FAM81A: variants seen among roughly 807,000 people sequenced by gnomAD.
FAM81A encodes protein FAM81A.
In FAM81A, 19 loss-of-function variants were observed where a neutral mutation model predicts 46.7. The ratio of observed to expected loss-of-function variants is 0.41; its 90% confidence interval spans 0.28 to 0.60. The LOEUF (loss-of-function observed/expected upper bound fraction) is 0.60. Among genes scored for constraint, FAM81A ranks in the 20% least tolerant of loss-of-function variants. FAM81A has a pLI of 0.34. For missense variants in FAM81A, 377 were observed against 453.5 expected (o/e 0.83, Z 1.53); for synonymous variants, 183 against 152.9 (o/e 1.20, Z -1.45).
At chr15:59,432,360 C>G (rs2081224180) in intron 2 of FAM81A, among the ~76,000 whole-genome samples, 1 of 152,230 alleles carries the variant, frequency 6.6e-6, no homozygotes, top group African/African-American at 2.4e-5. Context: ...AATTTGCTCC[C>G]TCAAAATAAA....
intron 2 of FAM81A, among the ~76,000 whole-genome samples, chr15:59,420,291 A>G (rs767536649): frequency 6.6e-6 from 1 of 152,218 alleles, no homozygotes; most frequent in Admixed American, 6.5e-5. Flanking sequence ...GACTTTAGTC[A>G]CTGTGTCCCC....
intron 2 of FAM81A, among the ~76,000 whole-genome samples, chr15:59,404,043 T>C (rs995216523): frequency 1.8e-4 from 28 of 151,944 alleles, no homozygotes; most frequent in Non-Finnish European, 4.4e-5. Context: ...CCACCATAGC[T>C]GGCTAGTTTT....
intron 1 of FAM81A, chr15:59,402,085 C>CCTG: frequency 2.1e-6 from 1 of 487,458 alleles, no homozygotes; most frequent in Non-Finnish European, 3.7e-6. Context: ...GACCCATGAG[C>CCTG]TGACGCCGTG....
intron 3 of FAM81A, among the ~76,000 whole-genome samples, chr15:59,480,218 A>G (rs1411344278): frequency 1.3e-5 from 2 of 152,212 alleles, no homozygotes; most frequent in African/African-American, 4.8e-5. Flanking sequence ...ATACTACCTT[A>G]TAATTCGCTG....
chr15:59,507,034 G>A (rs138693394), intron 4 of FAM81A, among the ~76,000 whole-genome samples, 179 bp from the exon 5 acceptor site: 18 of 152,214 alleles, frequency 1.2e-4, no homozygotes, highest in South Asian at 6.2e-4. Context: ...ACATCCCTGT[G>A]GTTTACCTTA....
At chr15:59,406,673 G>C (rs1439050245) in intron 2 of FAM81A, among the ~76,000 whole-genome samples, 2 of 152,100 alleles carry the variant, frequency 1.3e-5, no homozygotes, top group Non-Finnish European at 2.9e-5. Flanking sequence ...CCTACCCCCA[G>C]CTCTAGGCAA....
intron 1 of FAM81A, among the ~76,000 whole-genome samples, chr15:59,442,800 T>C (rs2141589963): frequency 6.6e-6 from 1 of 152,326 alleles, no homozygotes; most frequent in Admixed American, 6.5e-5. Context: ...TCTGTGTGTT[T>C]ATTCACACAC....
chr15:59,510,777 CAAAAAAAAAAAAAAAAAAA>C (rs71119479), intron 6 of FAM81A, among the ~76,000 whole-genome samples: 1 of 25,774 alleles, frequency 3.9e-5, no homozygotes, highest in Admixed American at 6.9e-4. Flanking sequence ...GACCCTGTCT[CAAAAAAAAAAAAAAAAAAA>C]AAAAAAAAAA....
intron 1 of FAM81A, among the ~76,000 whole-genome samples, chr15:59,448,734 G>C (rs1303606047): frequency 2.6e-5 from 4 of 152,158 alleles, no homozygotes; most frequent in Non-Finnish European, 4.4e-5. Flanking sequence ...GTGTCATGCA[G>C]TGTTGAACTC....
chr15:59,489,302 C>CATAT (rs1303406022), intron 3 of FAM81A, among the ~76,000 whole-genome samples: 103 of 150,386 alleles, frequency 6.8e-4, no homozygotes, highest in African/African-American at 2.5e-3. Context: ...TACATACATA[C>CATAT]ATACATACAT....
chr15:59,517,598 T>G (rs1472644485), intron 8 of FAM81A, among the ~76,000 whole-genome samples: 1 of 152,210 alleles, frequency 6.6e-6, no homozygotes, highest in East Asian at 1.9e-4. Context: ...AGTTGTATGA[T>G]TCCATGAATT....
At chr15:59,488,287 A>G (rs144829590) in intron 3 of FAM81A, among the ~76,000 whole-genome samples, 136 of 152,226 alleles carry the variant, frequency 8.9e-4, no homozygotes, top group Non-Finnish European at 1.7e-3. Context: ...AATAAAAGCC[A>G]TATATGACAG....
At chr15:59,428,490 G>T (rs983361649) in intron 2 of FAM81A, among the ~76,000 whole-genome samples, 10 of 149,990 alleles carry the variant, frequency 6.7e-5, no homozygotes, top group African/African-American at 2.4e-4. Context: ...GCCCAGGCTG[G>T]TCTCAAATTC....
chr15:59,473,425 G>A (rs1298602329), intron 3 of FAM81A, among the ~76,000 whole-genome samples: 1 of 152,166 alleles, frequency 6.6e-6, no homozygotes, highest in African/African-American at 2.4e-5. Flanking sequence ...CATAGTATAT[G>A]TAGGGTTTGG....
intron 3 of FAM81A, among the ~76,000 whole-genome samples, chr15:59,479,131 G>T (rs1391078279): frequency 2.0e-5 from 3 of 152,208 alleles, no homozygotes; most frequent in Non-Finnish European, 4.4e-5. Flanking sequence ...TGTACAGGCA[G>T]TCAATGCTAA....
chr15:59,516,933 C>G, intron 8 of FAM81A, 93 bp downstream of exon 8: 1 of 1,186,746 alleles, frequency 8.4e-7, no homozygotes, highest in Non-Finnish European at 1.1e-6. Context: ...ATGAACCTGG[C>G]TAATGGTAAT....
intron 3 of FAM81A, among the ~76,000 whole-genome samples, chr15:59,489,054 A>G (rs1001116572): frequency 6.6e-6 from 1 of 152,090 alleles, no homozygotes; most frequent in African/African-American, 2.4e-5. Flanking sequence ...TCACGAGGTC[A>G]GGAGATCGAG....
At chr15:59,520,298 C>A (rs542670063) in intron 8 of FAM81A, among the ~76,000 whole-genome samples, 29 of 152,236 alleles carry the variant, frequency 1.9e-4, no homozygotes, top group Admixed American at 1.8e-3. Context: ...CTCGCTAATG[C>A]TTGTACTCGT....
chr15:59,457,739 T>G (rs2081501921), intron 1 of FAM81A, among the ~76,000 whole-genome samples: 1 of 152,186 alleles, frequency 6.6e-6, no homozygotes, highest in Non-Finnish European at 1.5e-5. Flanking sequence ...ACTAGAGAGA[T>G]GACGCCAAAA....
Sources: gnomAD v4.1 joint callset for allele counts (sites outside exome capture counted in the v4.1 genomes callset) on GRCh38, gnomAD v4.1.1 for gene constraint, MANE v1.5 for transcripts, NCBI Gene and HGNC (gene_info 2026-07-23, HGNC 2026-07-21) for gene names.